Variants in THSD7B observed in about 807,000 individuals in gnomAD.
THSD7B encodes the protein thrombospondin type 1 domain containing 7B.
A neutral mutation model predicts 213.6 loss-of-function variants in THSD7B; 138 were observed. The observed-to-expected ratio is 0.65, with a 90% confidence interval of 0.56 to 0.74. THSD7B has a LOEUF of 0.74. THSD7B is among the 30% of genes least tolerant of loss of function. The probability of loss-of-function intolerance (pLI) is 0.00; values close to 1 mark genes in which losing one functional copy is unlikely to be tolerated. For missense variants in THSD7B, 1,931 were observed against 1,991.5 expected, an observed-to-expected ratio of 0.97 and a Z score of 0.58; for synonymous variants, 742 against 687.0, an observed-to-expected ratio of 1.08 and a Z score of -1.25.
intron 9 of THSD7B, among the ~76,000 whole-genome samples, chr2:137,239,934 C>T (rs1301729659): frequency 6.6e-6 from 1 of 152,138 alleles, no homozygotes; most frequent in Non-Finnish European, 1.5e-5. Flanking sequence ...TGTATCTTCA[C>T]ATGGTGGAGA....
At chr2:137,099,826 G>C (rs1461865453) in intron 4 of THSD7B, among the ~76,000 whole-genome samples, 3 of 152,164 alleles carry the variant, frequency 2.0e-5, no homozygotes, top group Non-Finnish European at 4.4e-5. Context: ...ACACAGAAAA[G>C]CCAACGTGTA....
intron 4 of THSD7B, among the ~76,000 whole-genome samples, chr2:137,100,220 C>A (rs769279571): frequency 5.3e-5 from 8 of 152,034 alleles, no homozygotes; most frequent in Non-Finnish European, 1.2e-4. Flanking sequence ...CGTGGTTGTT[C>A]ACCTCCTTTG....
intron 21 of THSD7B, among the ~76,000 whole-genome samples, chr2:137,644,340 C>T (rs1446677743): frequency 6.6e-6 from 1 of 152,156 alleles, no homozygotes; most frequent in Non-Finnish European, 1.5e-5. Flanking sequence ...CAAACAGTGC[C>T]AATCAGCATT....
chr2:136,840,912 G>T (rs908772154), intron 1 of THSD7B, among the ~76,000 whole-genome samples: 1 of 151,654 alleles, frequency 6.6e-6, no homozygotes, highest in African/African-American at 2.4e-5. Flanking sequence ...AATATGGAAT[G>T]ATTCCAGATT....
intron 1 of THSD7B, among the ~76,000 whole-genome samples, chr2:136,854,779 C>T (rs147086898): frequency 1.8e-4 from 27 of 151,582 alleles, no homozygotes; most frequent in African/African-American, 5.1e-4. Flanking sequence ...TTTTGTGCTC[C>T]CAGCTCATGG....
intron 24 of THSD7B, among the ~76,000 whole-genome samples, chr2:137,659,079 TTTGA>T (rs79363294): frequency 0.087 from 13,246 of 152,236 alleles, 652 homozygotes; most frequent in Middle Eastern, 0.16. Flanking sequence ...GTGTCAGATG[TTTGA>T]TTGTCTCTCC....
intron 2 of THSD7B, among the ~76,000 whole-genome samples, chr2:136,946,174 T>C (rs1684933286): frequency 6.6e-6 from 1 of 152,232 alleles, no homozygotes; most frequent in Non-Finnish European, 1.5e-5. Context: ...TTGATGTTTA[T>C]GCTATTCCTT....
chr2:137,255,154 C>T (rs1682276853), intron 10 of THSD7B, among the ~76,000 whole-genome samples: 1 of 152,054 alleles, frequency 6.6e-6, no homozygotes, highest in African/African-American at 2.4e-5. Flanking sequence ...TCTTTCCTTC[C>T]ACCCAAAATC....
chr2:137,645,214 ATAAGT>A (rs1481350027), intron 21 of THSD7B, among the ~76,000 whole-genome samples: 2 of 152,332 alleles, frequency 1.3e-5, no homozygotes, highest in African/African-American at 2.4e-5. Flanking sequence ...AGTAATAGAC[ATAAGT>A]TAAGAGCTCA....
intron 2 of THSD7B, among the ~76,000 whole-genome samples, chr2:136,962,703 T>C (rs1685241811): frequency 6.6e-6 from 1 of 152,114 alleles, no homozygotes; most frequent in African/African-American, 2.4e-5. Flanking sequence ...TAGAAAGAAG[T>C]ACACAAAAGA....
chr2:137,389,402 A>ATTTTTTTTTTTT lies in THSD7B; in HGVS notation c.2501-16195_2501-16184dup, dbSNP rs70978214. 1.2e-3 allele frequency among the ~76,000 whole-genome samples: 47 copies of ATTTTTTTTTTTT among 38,084 alleles called. 2 individuals carry two copies. The highest frequency in any genetic ancestry group is 3.3e-3 in the East Asian group (3 of 916). The allele number at this position is 38,084 out of a possible 152,430, so 25.0% of individuals were successfully genotyped here. ...GATAGTTTGACCACTTCTTAATGTG[A>ATTTTTTTTTTTT]TTTTTTTTTTTTTTTTTTTTTTTTT... On this transcript the variant is annotated intron_variant, in intron 12 of 27. Coordinates refer to ENST00000409968, the MANE Select transcript of THSD7B (RefSeq NM_001316349.2).
intron 12 of THSD7B, among the ~76,000 whole-genome samples, chr2:137,309,955 T>C (rs57456597): frequency 0.053 from 8,077 of 151,186 alleles, 278 homozygotes; most frequent in East Asian, 0.099. Context: ...TGAATAATGC[T>C]GCAATAAACA....
At chr2:137,187,799 A>G (rs781535632) in intron 7 of THSD7B, among the ~76,000 whole-genome samples, 1 of 152,182 alleles carries the variant, frequency 6.6e-6, no homozygotes, top group Non-Finnish European at 1.5e-5. Flanking sequence ...TTTGCTGTAT[A>G]TAGTATATAA....
chr2:136,918,077 G>A (rs1684376438), intron 2 of THSD7B, among the ~76,000 whole-genome samples: 1 of 152,056 alleles, frequency 6.6e-6, no homozygotes, highest in African/African-American at 2.4e-5. Flanking sequence ...TAATTTGATT[G>A]TAAATACAGT....
intron 3 of THSD7B, among the ~76,000 whole-genome samples, chr2:137,074,534 T>C (rs1193192341): frequency 6.6e-6 from 1 of 152,240 alleles, no homozygotes; most frequent in Non-Finnish European, 1.5e-5. Context: ...CTTGACTCTT[T>C]ATCCAATTTG....
chr2:136,786,017 T>C (rs1681838944), intron 1 of THSD7B, among the ~76,000 whole-genome samples: 1 of 152,144 alleles, frequency 6.6e-6, no homozygotes, highest in Non-Finnish European at 1.5e-5. Flanking sequence ...AAGGATCAAA[T>C]AAAATCAGAA....
At chr2:137,663,117 A>C (rs112662654) in intron 25 of THSD7B, among the ~76,000 whole-genome samples, 1 of 151,988 alleles carries the variant, frequency 6.6e-6, no homozygotes, top group African/African-American at 2.4e-5. Context: ...AATTAACTTT[A>C]TTCACAAAGA....
chr2:137,592,676 G>C (rs1405078104), intron 17 of THSD7B, among the ~76,000 whole-genome samples: 1 of 151,732 alleles, frequency 6.6e-6, no homozygotes, highest in Non-Finnish European at 1.5e-5. Flanking sequence ...TTTATTTTCT[G>C]TTTCAATTCT....
intron 15 of THSD7B, among the ~76,000 whole-genome samples, chr2:137,466,865 A>G (rs76340525): frequency 0.01 from 1,534 of 152,102 alleles, 25 homozygotes; most frequent in African/African-American, 0.035. Flanking sequence ...GCTTCTTTTC[A>G]TCTCTGTCTG....
Sources: allele counts gnomAD v4.1 joint callset (sites outside exome capture counted in the v4.1 genomes callset), GRCh38; gene constraint gnomAD v4.1.1; transcripts MANE v1.5; gene names NCBI Gene and HGNC (gene_info 2026-07-23, HGNC 2026-07-21).